The following SCN1A variants were observed in gnomAD, a reference collection of about 807,000 sequenced individuals.
SCN1A encodes the protein sodium voltage-gated channel alpha subunit 1.
A neutral mutation model predicts 193.7 loss-of-function variants in SCN1A; 13 were observed. The observed-to-expected ratio is 0.07, with a 90% CI of 0.04 to 0.11. The LOEUF (loss-of-function observed/expected upper bound fraction) is 0.11, where lower values mean the gene tolerates loss of function less well. SCN1A is among the 10% of genes least tolerant of loss of function. The pLI, the probability that SCN1A is intolerant of heterozygous loss-of-function variation, is 1.00. For synonymous variants in SCN1A, 781 were observed against 843.6 expected (o/e 0.93, Z 1.29); for missense variants, 1,432 against 2,451.1 (o/e 0.58, Z 8.78).
chr2:166,135,508 G>C (rs112329422), intron 1 of SCN1A, among the ~76,000 whole-genome samples: 2,325 of 152,248 alleles, frequency 0.015, 29 homozygotes, highest in Non-Finnish European at 0.025. Flanking sequence ...CTAGAATTAG[G>C]TGCTACCATA....
At chr2:166,128,082 C>A (rs1691458772), upstream of SCN1A, 2 of 151,104 alleles carry the variant, frequency 1.3e-5, no homozygotes, top group African/African-American at 2.4e-5. Context: ...AAGACAGCAC[C>A]TTACATTACA....
chr2:166,017,157 T>C (rs1421108945), intron 19 of SCN1A, among the ~76,000 whole-genome samples: 1 of 151,668 alleles, frequency 6.6e-6, no homozygotes. Context: ...TTATAAAATA[T>C]TTCTCACTGA....
At chr2:166,131,386 C>T (rs1558909517), upstream of SCN1A, among the ~76,000 whole-genome samples, 1 of 144,042 alleles carries the variant, frequency 6.9e-6, no homozygotes, top group Non-Finnish European at 1.6e-5. Flanking sequence ...AAGACTCCGT[C>T]TCTGTAAGAC....
chr2:166,051,143 C>A (rs929254732), intron 9 of SCN1A, among the ~76,000 whole-genome samples: 3 of 151,982 alleles, frequency 2.0e-5, no homozygotes, highest in African/African-American at 7.2e-5. Context: ...TTCTTTCTAG[C>A]TGAATTCTTC....
chr2:166,019,292 A>T (rs542897868), intron 19 of SCN1A, among the ~76,000 whole-genome samples: 1 of 152,300 alleles, frequency 6.6e-6, no homozygotes, highest in South Asian at 2.1e-4. Context: ...TCGCAGGTCT[A>T]GACAAGTGAT....
At chr2:166,031,416 T>C (rs1337389146) in intron 19 of SCN1A, among the ~76,000 whole-genome samples, 1 of 152,148 alleles carries the variant, frequency 6.6e-6, no homozygotes, top group Admixed American at 6.6e-5. Flanking sequence ...ATACATCCTC[T>C]TGCTTCCTGT....
intron 2 of SCN1A, among the ~76,000 whole-genome samples, chr2:166,088,857 A>G (rs13004083): frequency 0.22 from 33,452 of 152,112 alleles, 3,870 homozygotes; most frequent in Middle Eastern, 0.47. Context: ...GCAGATTGGA[A>G]GTAGGGAGAC....
rs150186905 is a variant in SCN1A, at chr2:166,072,905, C to T, written c.264+453G>A. Among the ~76,000 whole-genome samples the T allele has an allele frequency of 1.0e-2, 1,452 of 145,622 alleles. 31 individuals carry two copies. Among genetic ancestry groups the T allele is most frequent in the African/African-American group, 0.034 (1,325 of 39,474 alleles). On this transcript the variant is annotated intron_variant, in intron 4 of 28. Transcript: ENST00000674923. ...AGGCTGGAGTGTAGTGGCGTCATCT[C>T]GGCTCACTGCAACCTCGGCCTCCAG...
intron 1 of SCN1A, among the ~76,000 whole-genome samples, chr2:166,136,596 T>C (rs1691868763): frequency 6.6e-6 from 1 of 152,256 alleles, no homozygotes; most frequent in African/African-American, 2.4e-5. Flanking sequence ...CATGAACCAT[T>C]TGTTGCTTTA....
At chr2:166,086,178 A>G (rs1686091820) in intron 2 of SCN1A, among the ~76,000 whole-genome samples, 2 of 152,022 alleles carry the variant, frequency 1.3e-5, no homozygotes, top group South Asian at 4.1e-4. Context: ...CCCCTCCCTC[A>G]CTAACCACTA....
chr2:166,097,611 T>C (rs1244576610), intron 2 of SCN1A, among the ~76,000 whole-genome samples: 1 of 151,434 alleles, frequency 6.6e-6, no homozygotes, highest in Non-Finnish European at 1.5e-5. Flanking sequence ...AAATAGGGTC[T>C]TGCCCTGTCA....
rs1191367818 is a variant in SCN1A, at chr2:166,007,312, T to C, written c.4002+2407A>G. 1.3e-5 allele frequency: 2 copies of C among 151,186 alleles called. No homozygotes were observed. Among genetic ancestry groups the C allele is most frequent in the African/African-American group, 4.8e-5 (2 of 41,320 alleles). The allele number at this position is 151,186 out of a possible 1,614,324, so 9.4% of individuals were successfully genotyped here. A position where few individuals can be genotyped will look rare whatever the true frequency, so the allele number is the denominator to read the frequency against. Reference sequence around the variant, plus strand: ...GATTATCCTATACAAAATAGAAATATATAGTTTGTTATTAGTTAGAAATCT... The same window carrying C: ...GATTATCCTATACAAAATAGAAATACATAGTTTGTTATTAGTTAGAAATCT... On this transcript the variant is annotated intron_variant, in intron 23 of 28. Transcript: ENST00000674923.
At chr2:166,101,446 A>G (rs1044522238) in intron 2 of SCN1A, among the ~76,000 whole-genome samples, 30 of 150,694 alleles carry the variant, frequency 2.0e-4, no homozygotes, top group Non-Finnish European at 4.0e-4. Flanking sequence ...CCAGCATGGC[A>G]CATGTATACA....
At chr2:166,040,027 T>C (rs1440660600) in intron 16 of SCN1A, among the ~76,000 whole-genome samples, 1 of 148,950 alleles carries the variant, frequency 6.7e-6, no homozygotes, top group East Asian at 2.0e-4. Context: ...CACGCCATTC[T>C]CCTGCCTCAG....
chr2:166,002,965 AAG>A, intron 23 of SCN1A: 1 of 369,554 alleles, frequency 2.7e-6, no homozygotes, highest in Non-Finnish European at 4.8e-6. Context: ...CAATATAACC[AAG>A]AAATGAAACA....
chr2:166,074,726 G>C (rs2105989490), intron 3 of SCN1A, among the ~76,000 whole-genome samples: 1 of 152,304 alleles, frequency 6.6e-6, no homozygotes, highest in Admixed American at 6.5e-5. Flanking sequence ...TTTATTTGGA[G>C]ACTGCATTAA....
At chr2:166,115,173 CATG>C (rs1689715028) in intron 2 of SCN1A, among the ~76,000 whole-genome samples, 2 of 152,072 alleles carry the variant, frequency 1.3e-5, no homozygotes, top group South Asian at 4.2e-4. Context: ...GCCTGGTCAA[CATG>C]ATGAAACCCC....
chr2:166,107,282 T>C (rs138304604), intron 2 of SCN1A, among the ~76,000 whole-genome samples: 1 of 152,334 alleles, frequency 6.6e-6, no homozygotes, highest in Non-Finnish European at 1.5e-5. Flanking sequence ...TCTTGTTTTT[T>C]GCTTTAGTCC....
chr2:165,994,109 T>C, intron 28 of SCN1A, 37 bp downstream of exon 28: 3 of 1,500,446 alleles, frequency 2.0e-6, no homozygotes, highest in Non-Finnish European at 2.8e-6. Flanking sequence ...CTTTCACTTT[T>C]ATTTAACTGA....
Sources: allele counts gnomAD v4.1 joint callset (sites outside exome capture counted in the v4.1 genomes callset), GRCh38; gene constraint gnomAD v4.1.1; transcripts MANE v1.5; gene names NCBI Gene and HGNC (gene_info 2026-07-23, HGNC 2026-07-21).